FCHSD2: variants seen among roughly 807,000 people sequenced by gnomAD.
FCHSD2 encodes FCH and double SH3 domains 2.
Under a neutral mutation model 108.1 loss-of-function variants are expected in FCHSD2, and 38 were observed. That is an observed-to-expected ratio of 0.35 (90% CI 0.27 to 0.46). The LOEUF (loss-of-function observed/expected upper bound fraction) is 0.46. Ranked by LOEUF, FCHSD2 falls within the 20% of genes least tolerant of loss-of-function variation. The pLI, the probability that FCHSD2 is intolerant of heterozygous loss-of-function variation, is 1.00. For missense variants in FCHSD2, 751 were observed against 897.8 expected, an observed-to-expected ratio of 0.84 and a Z score of 2.09; for synonymous variants, 279 against 314.7, an observed-to-expected ratio of 0.89 and a Z score of 1.20.
At chr11:72,838,904 A>G in intron 19 of FCHSD2, 30 bp from the exon 20 acceptor site, 1 of 1,578,560 alleles carries the variant, frequency 6.3e-7, no homozygotes, top group Non-Finnish European at 8.6e-7. Flanking sequence ...GTAGTTTGTC[A>G]GTCAGTTCCT....
intron 3 of FCHSD2, among the ~76,000 whole-genome samples, chr11:73,044,104 C>T (rs1231491859): frequency 6.6e-6 from 1 of 152,142 alleles, no homozygotes; most frequent in Non-Finnish European, 1.5e-5. Flanking sequence ...ACAACGGATT[C>T]CAAATTTGTT....
intron 19 of FCHSD2, among the ~76,000 whole-genome samples, chr11:72,840,403 G>A (rs766704443): frequency 3.9e-4 from 60 of 152,228 alleles, no homozygotes; most frequent in South Asian, 2.1e-4. Context: ...ACAGTGGTGG[G>A]TGGAATGCAG....
At chr11:72,891,944 ATTTTCT>A (rs970864820) in intron 10 of FCHSD2, among the ~76,000 whole-genome samples, 9 of 152,208 alleles carry the variant, frequency 5.9e-5, no homozygotes, top group African/African-American at 2.2e-4. Context: ...TGAAACAAAA[ATTTTCT>A]TATTACTGTT....
chr11:72,843,469 C>G lies in FCHSD2; in HGVS notation c.1507G>C (p.Asp503His). Residue 503 changes from aspartate (D) to histidine (H), a missense_variant, in exon 15 of 20, where the codon GAT becomes CAT. By Grantham distance (81) the Asp-to-His change is moderately conservative. Transcript: ENST00000409418. ...TATACCTTTACCCAGTCTTCCATAT[C>G]TCCATCTTCAATCACTTCTAACACC... ...HEVLEVIEDG[D>H]MEDWVKARNK... is the part of the protein sequence containing the mutation. 1 of 1,613,534 alleles carries G rather than the reference C, an allele frequency of 6.2e-7. No homozygotes were observed. The highest frequency in any genetic ancestry group is 8.5e-7 in the Non-Finnish European group (1 of 1,179,414).
intron 3 of FCHSD2, among the ~76,000 whole-genome samples, chr11:73,036,534 G>C (rs1858502612): frequency 3.3e-5 from 5 of 152,076 alleles, no homozygotes; most frequent in Admixed American, 1.3e-4. Flanking sequence ...ATTTAATGAT[G>C]AGTACAATGA....
At chr11:72,842,309 C>A (rs1860983418) in intron 17 of FCHSD2, among the ~76,000 whole-genome samples, 1 of 152,234 alleles carries the variant, frequency 6.6e-6, no homozygotes, top group Non-Finnish European at 1.5e-5. Context: ...GCAACGCCTT[C>A]CCTCTTCGGT....
intron 3 of FCHSD2, among the ~76,000 whole-genome samples, chr11:73,068,127 A>G (rs889533298): frequency 5.3e-5 from 8 of 152,116 alleles, no homozygotes; most frequent in African/African-American, 1.9e-4. Context: ...CCCTCGCACA[A>G]CACATGGGAA....
At chr11:73,095,721 G>A (rs1273446783) in intron 2 of FCHSD2, among the ~76,000 whole-genome samples, 2 of 152,128 alleles carry the variant, frequency 1.3e-5, no homozygotes, top group Non-Finnish European at 2.9e-5. Flanking sequence ...CAAAAGCAGG[G>A]AACATGGGCT....
chr11:72,882,258 T>C (rs1855106007), intron 12 of FCHSD2, among the ~76,000 whole-genome samples: 1 of 151,564 alleles, frequency 6.6e-6, no homozygotes, highest in South Asian at 2.1e-4. Context: ...TTGGCCAACA[T>C]GGTAAAACCC....
intron 2 of FCHSD2, among the ~76,000 whole-genome samples, chr11:73,135,905 T>G (rs1861109885): frequency 6.6e-6 from 1 of 152,172 alleles, no homozygotes; most frequent in Non-Finnish European, 1.5e-5. Context: ...GGCTCATTTC[T>G]GTAATCCCAG....
At chr11:73,076,158 A>C (rs1859545940) in intron 3 of FCHSD2, among the ~76,000 whole-genome samples, 2 of 152,118 alleles carry the variant, frequency 1.3e-5, no homozygotes, top group South Asian at 4.1e-4. Flanking sequence ...AAAATCACCA[A>C]ATGATGTGAA....
chr11:72,868,396 T>C (rs1012095948), intron 12 of FCHSD2, among the ~76,000 whole-genome samples: 2 of 152,032 alleles, frequency 1.3e-5, no homozygotes, highest in African/African-American at 4.8e-5. Flanking sequence ...GAATAGCTAA[T>C]GGAGCTGGGC....
chr11:73,083,260 C>A (rs890278455), intron 3 of FCHSD2, among the ~76,000 whole-genome samples: 3 of 151,984 alleles, frequency 2.0e-5, no homozygotes, highest in African/African-American at 4.8e-5. Context: ...ACAGAAATAA[C>A]AAGAAAAGGG....
At chr11:72,959,853 G>GGTGTGTGTGTGTGTGTGTGT (rs58451717) in intron 8 of FCHSD2, among the ~76,000 whole-genome samples, 8 of 145,810 alleles carry the variant, frequency 5.5e-5, no homozygotes, top group Non-Finnish European at 9.0e-5. Flanking sequence ...AAGTTTCTAG[G>GGTGTGTGTGTGTGTGTGTGT]GTGTGTGTGT....
At chr11:73,004,073 C>T (rs753283309) in intron 4 of FCHSD2, among the ~76,000 whole-genome samples, 8 of 121,002 alleles carry the variant, frequency 6.6e-5, no homozygotes, top group African/African-American at 2.3e-4. Flanking sequence ...AGTGCCACTG[C>T]ACTCCGGCCT....
intron 3 of FCHSD2, among the ~76,000 whole-genome samples, chr11:73,018,355 G>A (rs565746385): frequency 6.6e-6 from 1 of 152,258 alleles, no homozygotes; most frequent in African/African-American, 2.4e-5. Context: ...CTTACTATTT[G>A]TGTCTTTTTC....
At chr11:72,913,145 C>G (rs1233158900) in intron 9 of FCHSD2, among the ~76,000 whole-genome samples, 1 of 152,114 alleles carries the variant, frequency 6.6e-6, no homozygotes, top group Non-Finnish European at 1.5e-5. Context: ...ACTCCATCCC[C>G]GTGATTTAAT....
intron 5 of FCHSD2, among the ~76,000 whole-genome samples, chr11:73,000,078 C>T (rs1343817498): frequency 6.6e-6 from 1 of 152,094 alleles, no homozygotes; most frequent in Admixed American, 6.6e-5. Flanking sequence ...CATAAAGACA[C>T]ATATACATCT....
chr11:73,056,611 C>T (rs1410618001), intron 3 of FCHSD2, among the ~76,000 whole-genome samples: 3 of 152,122 alleles, frequency 2.0e-5, no homozygotes, highest in Non-Finnish European at 2.9e-5. Context: ...CTCATTCATT[C>T]ATTCATTAAA....
Sources: gnomAD v4.1 joint callset for allele counts (sites outside exome capture counted in the v4.1 genomes callset) on GRCh38, gnomAD v4.1.1 for gene constraint, MANE v1.5 for transcripts, NCBI Gene and HGNC (gene_info 2026-07-23, HGNC 2026-07-21) for gene names.